Variants in ST8SIA2 observed in about 807,000 individuals in gnomAD.
ST8SIA2 encodes the protein alpha-2,8-sialyltransferase 8B.
Under a neutral mutation model 37.6 loss-of-function variants are expected in ST8SIA2, and 22 were observed. The observed-to-expected ratio is 0.58, with a 90% confidence interval of 0.42 to 0.83. The LOEUF (loss-of-function observed/expected upper bound fraction) is 0.83. Ranked by LOEUF, ST8SIA2 falls within the 40% of genes least tolerant of loss-of-function variation. The probability of loss-of-function intolerance (pLI) is 0.00; values close to 1 mark genes in which losing one functional copy is unlikely to be tolerated. For synonymous variants in ST8SIA2, 205 were observed against 201.2 expected (o/e 1.02, Z -0.16); for missense variants, 382 against 484.7 (o/e 0.79, Z 1.99).
intron 4 of ST8SIA2, 34 bp from the exon 5 acceptor site, chr15:92,444,602 C>A (rs200422265): frequency 6.2e-7 from 1 of 1,613,976 alleles, no homozygotes; most frequent in African/African-American, 1.3e-5. Flanking sequence ...TCTCAGCTTT[C>A]CCAAAAGGAT....
intron 1 of ST8SIA2, among the ~76,000 whole-genome samples, chr15:92,416,134 G>A (rs73545819): frequency 0.036 from 5,467 of 151,588 alleles, 313 homozygotes; most frequent in African/African-American, 0.13. Context: ...CAGATAAGAC[G>A]GAGGCACAGG....
chr15:92,432,284 G>A (rs986187925), intron 2 of ST8SIA2, among the ~76,000 whole-genome samples: 2 of 152,144 alleles, frequency 1.3e-5, no homozygotes, highest in African/African-American at 2.4e-5. Flanking sequence ...GGGTGAAGCC[G>A]CTAATTCTGT....
chr15:92,442,373 G>A (rs1007109824), intron 4 of ST8SIA2, among the ~76,000 whole-genome samples: 2 of 152,164 alleles, frequency 1.3e-5, no homozygotes, highest in Non-Finnish European at 2.9e-5. Flanking sequence ...CTTCCAGGAG[G>A]TGGCATCCCA....
intron 5 of ST8SIA2, among the ~76,000 whole-genome samples, chr15:92,458,451 C>T (rs1202806378): frequency 6.6e-6 from 1 of 152,196 alleles, no homozygotes; most frequent in Non-Finnish European, 1.5e-5. Context: ...GCTTTGGACC[C>T]AGCATGCACT....
intron 1 of ST8SIA2, among the ~76,000 whole-genome samples, chr15:92,396,978 GC>G (rs1226877125): frequency 6.6e-6 from 1 of 152,140 alleles, no homozygotes; most frequent in Non-Finnish European, 1.5e-5. Flanking sequence ...CACCAGCCCT[GC>G]CCCTCCATCC....
At chr15:92,422,428 T>C (rs1048968270) in intron 1 of ST8SIA2, 2 of 152,324 alleles carry the variant, frequency 1.3e-5, no homozygotes, top group Admixed American at 1.3e-4. Flanking sequence ...GTTATATCCA[T>C]GTGACAGGGA....
chr15:92,417,937 C>A (rs945192492), intron 1 of ST8SIA2, among the ~76,000 whole-genome samples: 12 of 152,076 alleles, frequency 7.9e-5, no homozygotes, highest in African/African-American at 2.9e-4. Context: ...GCTGAGTAAC[C>A]CTTGCTTCCT....
chr15:92,444,134 G>C (rs1355574788), intron 4 of ST8SIA2, among the ~76,000 whole-genome samples: 3 of 152,134 alleles, frequency 2.0e-5, no homozygotes, highest in African/African-American at 7.2e-5. Context: ...TTTAATCCTT[G>C]GGAGGGATGC....
At chr15:92,444,580 CAG>C in intron 4 of ST8SIA2, 54 bp from the exon 5 acceptor site, 1 of 1,610,586 alleles carries the variant, frequency 6.2e-7, no homozygotes, top group Non-Finnish European at 8.5e-7. Context: ...TCGAGTTAAA[CAG>C]AGGAAGGGGT....
chr15:92,438,330 T>C, intron 3 of ST8SIA2, 23 bp from the exon 4 acceptor site: 1 of 1,614,214 alleles, frequency 6.2e-7, no homozygotes, highest in South Asian at 1.1e-5. Flanking sequence ...GAGAATTTCC[T>C]CACGCATGTT....
At chr15:92,437,022 C>T (rs1022829360) in intron 3 of ST8SIA2, among the ~76,000 whole-genome samples, 3 of 152,206 alleles carry the variant, frequency 2.0e-5, no homozygotes, top group African/African-American at 7.2e-5. Context: ...CCTACTGGAA[C>T]GTACCATAGG....
At position 92,403,467 on chromosome 15, in the gene ST8SIA2, C is replaced by T. The variant is rs151306989; in HGVS notation, c.98+9305C>T. On this transcript the variant is annotated intron_variant, in intron 1 of 5. Transcript: ENST00000268164. ...TCAGATAGCTTCGCGAACACAATGGCATCTGTCACCATCGGGCACAACACT... is the reference window on the plus strand; with the variant it reads ...TCAGATAGCTTCGCGAACACAATGGTATCTGTCACCATCGGGCACAACACT... 3.5e-3 allele frequency among the ~76,000 whole-genome samples: 539 copies of T among 152,292 alleles called. 6 individuals are homozygous for T. The highest frequency in any genetic ancestry group is 0.012 in the African/African-American group (514 of 41,546).
At chr15:92,439,314 A>T (rs2049784183) in intron 4 of ST8SIA2, among the ~76,000 whole-genome samples, 5 of 152,160 alleles carry the variant, frequency 3.3e-5, no homozygotes, top group Admixed American at 2.6e-4. Flanking sequence ...TGAATTTTGT[A>T]CCTGACTATA....
chr15:92,400,196 G>T (rs2049460148), intron 1 of ST8SIA2, among the ~76,000 whole-genome samples: 1 of 151,960 alleles, frequency 6.6e-6, no homozygotes, highest in Non-Finnish European at 1.5e-5. Flanking sequence ...CCTAGACCCC[G>T]TCCCCTTCCG....
At chr15:92,447,128 G>T (rs896143267) in intron 5 of ST8SIA2, among the ~76,000 whole-genome samples, 1 of 152,190 alleles carries the variant, frequency 6.6e-6, no homozygotes, top group African/African-American at 2.4e-5. Context: ...ATTATGGCAT[G>T]GGATATCTAA....
intron 5 of ST8SIA2, among the ~76,000 whole-genome samples, chr15:92,456,777 A>T (rs576516293): frequency 6.6e-6 from 1 of 152,308 alleles, no homozygotes; most frequent in Non-Finnish European, 1.5e-5. Context: ...GATGGAGGCT[A>T]TCAGGTTTTA....
At chr15:92,442,346 C>T (rs559278594) in intron 4 of ST8SIA2, among the ~76,000 whole-genome samples, 1 of 152,292 alleles carries the variant, frequency 6.6e-6, no homozygotes, top group East Asian at 1.9e-4. Context: ...AGCCCCTGTT[C>T]CCATTACCCA....
intron 5 of ST8SIA2, 32 bp from the exon 6 acceptor site, chr15:92,464,068 T>A: frequency 6.7e-7 from 1 of 1,500,360 alleles, no homozygotes; most frequent in Non-Finnish European, 8.8e-7. Context: ...CCCATGTTTC[T>A]TTTCTTTTTT....
chr15:92,446,233 G>A (rs1483406806), intron 5 of ST8SIA2, among the ~76,000 whole-genome samples: 1 of 152,276 alleles, frequency 6.6e-6, no homozygotes, highest in Non-Finnish European at 1.5e-5. Context: ...TGTTATATTA[G>A]GGTTTCTCCA....
Sources: gnomAD v4.1 joint callset for allele counts (sites outside exome capture counted in the v4.1 genomes callset) on GRCh38, gnomAD v4.1.1 for gene constraint, MANE v1.5 for transcripts, NCBI Gene and HGNC (gene_info 2026-07-23, HGNC 2026-07-21) for gene names.